EXOC6B: variants seen among roughly 807,000 people sequenced by gnomAD.
EXOC6B encodes the protein exocyst complex component 6B.
A neutral mutation model predicts 113.5 loss-of-function variants in EXOC6B; 54 were observed. That is an observed-to-expected ratio of 0.48 (90% CI 0.38 to 0.60). The LOEUF (loss-of-function observed/expected upper bound fraction) is 0.60. Ranked by LOEUF, EXOC6B falls within the 20% of genes least tolerant of loss-of-function variation. The pLI, the probability that EXOC6B is intolerant of heterozygous loss-of-function variation, is 0.00. For missense variants in EXOC6B, 797 were observed against 977.5 expected (o/e 0.82, Z 2.46); for synonymous variants, 357 against 339.0 (o/e 1.05, Z -0.58).
chr2:72,304,418 T>C (rs1357156307), intron 20 of EXOC6B, among the ~76,000 whole-genome samples: 2 of 152,232 alleles, frequency 1.3e-5, no homozygotes, highest in Non-Finnish European at 2.9e-5. Context: ...CACACCAGTT[T>C]ATACTCTAAT....
At chr2:72,613,017 TGA>T (rs1201041274) in intron 6 of EXOC6B, among the ~76,000 whole-genome samples, 1 of 152,084 alleles carries the variant, frequency 6.6e-6, no homozygotes, top group Non-Finnish European at 1.5e-5. Flanking sequence ...CTGGGATGGG[TGA>T]GAGAGGAATC....
At chr2:72,248,409 C>T (rs146319193) in intron 20 of EXOC6B, among the ~76,000 whole-genome samples, 12 of 152,232 alleles carry the variant, frequency 7.9e-5, no homozygotes, top group African/African-American at 2.9e-4. Flanking sequence ...AAACTCTTCA[C>T]AGGGAGAGAC....
intron 1 of EXOC6B, among the ~76,000 whole-genome samples, chr2:72,821,741 G>A (rs975580425): frequency 2.0e-5 from 3 of 151,960 alleles, no homozygotes; most frequent in Non-Finnish European, 2.9e-5. Flanking sequence ...AAAATGTCCC[G>A]ATGTCCAGAA....
intron 6 of EXOC6B, among the ~76,000 whole-genome samples, chr2:72,685,254 A>G (rs1339082537): frequency 6.6e-6 from 1 of 151,724 alleles, no homozygotes; most frequent in Admixed American, 6.6e-5. Flanking sequence ...AAATGTTAAG[A>G]AAAAAAAAGT....
At chr2:72,568,763 G>A (rs771437807) in intron 7 of EXOC6B, among the ~76,000 whole-genome samples, 17 of 152,048 alleles carry the variant, frequency 1.1e-4, no homozygotes, top group Middle Eastern at 6.8e-3. Context: ...AGTAGAATAA[G>A]GCATTCTTGG....
intron 1 of EXOC6B, among the ~76,000 whole-genome samples, chr2:72,778,502 A>G (rs1683836025): frequency 6.6e-6 from 1 of 152,218 alleles, no homozygotes; most frequent in African/African-American, 2.4e-5. Flanking sequence ...CAATAGAAAC[A>G]GAATTAACTC....
intron 8 of EXOC6B, among the ~76,000 whole-genome samples, chr2:72,536,817 T>C (rs1702316630): frequency 6.6e-6 from 1 of 152,218 alleles, no homozygotes; most frequent in Non-Finnish European, 1.5e-5. Context: ...CCCAAGTCAC[T>C]ACAAACTTCC....
intron 17 of EXOC6B, among the ~76,000 whole-genome samples, chr2:72,478,282 C>T (rs192532961): frequency 3.4e-4 from 51 of 152,222 alleles, no homozygotes; most frequent in South Asian, 4.1e-4. Flanking sequence ...AAGCTAAGGA[C>T]GCCAGCTTGA....
At chr2:72,717,436 T>A (rs1216449628) in intron 6 of EXOC6B, among the ~76,000 whole-genome samples, 1 of 152,182 alleles carries the variant, frequency 6.6e-6, no homozygotes, top group Non-Finnish European at 1.5e-5. Flanking sequence ...TAAAAATTTT[T>A]AATAAAATCA....
intron 6 of EXOC6B, among the ~76,000 whole-genome samples, chr2:72,631,417 T>A (rs1672388129): frequency 3.4e-4 from 3 of 8,906 alleles, no homozygotes; most frequent in African/African-American, 9.1e-4. Flanking sequence ...TGTGTGTGTG[T>A]GTGTGTGTGT....
chr2:72,314,249 G>A (rs1406346008), intron 20 of EXOC6B, among the ~76,000 whole-genome samples: 3 of 152,080 alleles, frequency 2.0e-5, no homozygotes, highest in Non-Finnish European at 2.9e-5. Context: ...ACAATCGCCT[G>A]GTTATCAACT....
chr2:72,184,293 A>G lies in EXOC6B; in HGVS notation c.2197-106T>C, dbSNP rs910916759. The stretch of plus-strand genomic sequence containing the variant: ...CACTACCAGCTAATAAATTGGATAT[A>G]TAAAAATTAAAATATAATAAGAAAA... On this transcript the variant is annotated intron_variant, in intron 20 of 21. Coordinates refer to ENST00000272427, the MANE Select transcript of EXOC6B (RefSeq NM_015189.3). 10 of 583,614 alleles carry G rather than the reference A, an allele frequency of 1.7e-5. No individual in the cohort carries two copies. In the African/African-American group the frequency reaches 1.9e-4, roughly 11 times the overall value. The allele number at this position is 583,614 out of a possible 1,614,324, so 36.2% of individuals were successfully genotyped here.
Position 72,741,411 on chromosome 2 carries a change from G to C in EXOC6B, c.172C>G (p.Arg58Gly). The C allele has an allele frequency of 4.3e-6, 7 of 1,613,340 alleles. No homozygotes were observed. Among genetic ancestry groups the C allele is most frequent in the Non-Finnish European group, 5.9e-6 (7 of 1,179,738 alleles). ...TTCTCAATTTCTCGGTCGTGATTAC[G>C]GATACGAGTTTCAAGCTTCTCCATG... ...RFMEKLETRIRNHDREIEKMC... is the reference protein window; with the variant it reads ...RFMEKLETRIGNHDREIEKMC... Residue 58 changes from arginine to glycine, a missense_variant, in exon 2 of 22, where the codon CGT becomes GGT. Physicochemically the swap from Arg to Gly is moderately radical, Grantham distance 125. Transcript: ENST00000272427.
intron 20 of EXOC6B, among the ~76,000 whole-genome samples, chr2:72,257,893 T>C (rs530470666): frequency 6.6e-6 from 1 of 152,014 alleles, no homozygotes; most frequent in Non-Finnish European, 1.5e-5. Context: ...CTTTGAAGAG[T>C]TGGAGTTAAA....
chr2:72,289,206 G>C (rs1685633764), intron 20 of EXOC6B: 1 of 161,306 alleles, frequency 6.2e-6, no homozygotes. Flanking sequence ...TGAGGCATTG[G>C]AACTGGAAGC....
chr2:72,428,325 G>C (rs1271997517), intron 18 of EXOC6B, among the ~76,000 whole-genome samples: 1 of 152,220 alleles, frequency 6.6e-6, no homozygotes, highest in Non-Finnish European at 1.5e-5. Flanking sequence ...CCCAGAGCCA[G>C]GGTGGTGATT....
intron 17 of EXOC6B, among the ~76,000 whole-genome samples, chr2:72,469,994 T>C (rs2105440581): frequency 6.6e-6 from 1 of 152,278 alleles, no homozygotes; most frequent in South Asian, 2.1e-4. Context: ...ATTCCTAACC[T>C]TACTTCAATC....
At chr2:72,772,614 C>T (rs1312209524) in intron 1 of EXOC6B, among the ~76,000 whole-genome samples, 1 of 152,034 alleles carries the variant, frequency 6.6e-6, no homozygotes, top group Admixed American at 6.6e-5. Flanking sequence ...GAATCCAGGC[C>T]CACACACCCA....
intron 17 of EXOC6B, among the ~76,000 whole-genome samples, chr2:72,472,969 A>G (rs866285648): frequency 1.2e-4 from 19 of 152,034 alleles, no homozygotes; most frequent in African/African-American, 3.9e-4. Context: ...TTTAATTTCC[A>G]TGTATTTGTA....
Sources: gnomAD v4.1 joint callset for allele counts (sites outside exome capture counted in the v4.1 genomes callset) on GRCh38, gnomAD v4.1.1 for gene constraint, MANE v1.5 for transcripts, NCBI Gene and HGNC (gene_info 2026-07-23, HGNC 2026-07-21) for gene names.